Variants in CACNA1I observed in about 807,000 individuals in gnomAD.
CACNA1I encodes voltage-dependent T-type calcium channel subunit alpha-1I.
In CACNA1I, 74 loss-of-function variants were observed where a neutral mutation model predicts 201.6. The ratio of observed to expected loss-of-function variants is 0.37; its 90% CI spans 0.30 to 0.45. The LOEUF (loss-of-function observed/expected upper bound fraction) is 0.45, where lower values mean the gene tolerates loss of function less well. CACNA1I is among the 20% of genes least tolerant of loss of function. CACNA1I has a pLI of 1.00. For synonymous variants in CACNA1I, 1,431 were observed against 1,345.2 expected, an observed-to-expected ratio of 1.06 and a Z score of -1.40; for missense variants, 2,346 against 3,138.1, an observed-to-expected ratio of 0.75 and a Z score of 6.03.
At chr22:39,655,747 A>G (rs1934796505) in intron 10 of CACNA1I, among the ~76,000 whole-genome samples, 1 of 151,874 alleles carries the variant, frequency 6.6e-6, no homozygotes, top group South Asian at 2.1e-4. Flanking sequence ...TGCTGTGTCT[A>G]TATTCGTCTG....
rs1439825925 is a variant in CACNA1I, at chr22:39,590,498, C to T, written c.237-7653C>T. The stretch of plus-strand genomic sequence containing the variant: ...GGGCTCACCACTGACCCAGCCTCCG[C>T]TTCCCTCTGCCTGGCTGGGAGCCTC... On this transcript the variant is annotated intron_variant, in intron 1 of 36. Transcript: ENST00000402142. Among the ~76,000 whole-genome samples, 3 of 152,254 alleles carry T rather than the reference C, an allele frequency of 2.0e-5. No homozygotes were observed. The East Asian group carries it at 5.8e-4, about 29-fold the overall frequency.
intron 4 of CACNA1I, among the ~76,000 whole-genome samples, chr22:39,632,398 C>G (rs575678484): frequency 6.6e-6 from 1 of 152,324 alleles, no homozygotes; most frequent in African/African-American, 2.4e-5. Context: ...CTCCTCAGAG[C>G]CCCCTGCAAC....
intron 1 of CACNA1I, among the ~76,000 whole-genome samples, chr22:39,578,483 A>G (rs765025858): frequency 2.0e-5 from 3 of 151,920 alleles, no homozygotes; most frequent in Non-Finnish European, 4.4e-5. Context: ...GCCCCACGTG[A>G]CGACTGGTAC....
chr22:39,633,908 G>C (rs1477400050), intron 4 of CACNA1I, among the ~76,000 whole-genome samples: 2 of 152,238 alleles, frequency 1.3e-5, no homozygotes, highest in East Asian at 3.8e-4. Context: ...TGCAGTGGGA[G>C]TGGTAGTTCT....
intron 26 of CACNA1I, among the ~76,000 whole-genome samples, chr22:39,671,845 C>CT (rs1601521329): frequency 6.6e-6 from 1 of 152,150 alleles, no homozygotes; most frequent in African/African-American, 2.4e-5. Context: ...TGCATACCAG[C>CT]TTTCTAAGAT....
At chr22:39,628,969 C>T (rs1374913748) in intron 4 of CACNA1I, among the ~76,000 whole-genome samples, 1 of 152,132 alleles carries the variant, frequency 6.6e-6, no homozygotes, top group Middle Eastern at 3.2e-3. Context: ...CCCAAACCTC[C>T]AGGGGTGATG....
rs1242824645 is a variant in CACNA1I at position 39,688,883 on chromosome 22, AGGGAGCACTGG to A, written c.*2480_*2490del. ...GCTCAGAGGCAGAGAAGCTCCTTGC[AGGGAGCACTGG>A]GAGATGGCCTGGCCCGTCCCAGGCT... On this transcript the variant is annotated 3_prime_UTR_variant, in exon 37 of 37. Transcript: ENST00000402142. The surrounding 1 kb of genome is among the most constrained non-coding windows in gnomAD (Gnocchi z 4.8). 1.3e-5 allele frequency: 2 copies of A among 152,468 alleles called. No homozygotes were observed. The highest frequency in any genetic ancestry group is 3.9e-4 in the East Asian group (2 of 5,194). The allele number at this position is 152,468 out of a possible 1,614,324, so 9.4% of individuals were successfully genotyped here. A position where few individuals can be genotyped will look rare whatever the true frequency, so the allele number is the denominator to read the frequency against.
At chr22:39,663,651 T>C (rs1935093566) in intron 18 of CACNA1I, 67 bp from the exon 19 acceptor site, 1 of 1,596,812 alleles carries the variant, frequency 6.3e-7, no homozygotes, top group Non-Finnish European at 8.5e-7. Context: ...GCCTGGGCCC[T>C]CTGCCTTCCT....
At chr22:39,664,481 A>G (rs560163976) in intron 20 of CACNA1I, among the ~76,000 whole-genome samples, 1 of 152,178 alleles carries the variant, frequency 6.6e-6, no homozygotes, top group Admixed American at 6.5e-5. Context: ...GCAGTTTTCA[A>G]TTGGATTTGC....
At chr22:39,618,671 T>C (rs1395774281) in intron 3 of CACNA1I, among the ~76,000 whole-genome samples, 1 of 135,100 alleles carries the variant, frequency 7.4e-6, no homozygotes, top group Non-Finnish European at 1.5e-5. Context: ...CAGGTGGAGC[T>C]GGCAGCAGTG....
Position 39,597,948 on chromosome 22 carries a change from C to A in CACNA1I, c.237-203C>A, listed in dbSNP as rs1007515804. ...GCAGCTGGGGGCCTGGTGGGTTTGGCGCATATGGCCATGTCTGTTGTGATG... is the reference window on the plus strand; with the variant it reads ...GCAGCTGGGGGCCTGGTGGGTTTGGAGCATATGGCCATGTCTGTTGTGATG... On this transcript the variant is annotated intron_variant, in intron 1 of 36. Coordinates refer to ENST00000402142, the MANE Select transcript of CACNA1I (RefSeq NM_021096.4). Among the ~76,000 whole-genome samples the A allele has an allele frequency of 6.4e-4, 98 of 152,168 alleles. 1 individual carries two copies. The highest frequency in any genetic ancestry group is 1.3e-4 in the Non-Finnish European group (9 of 67,996).
intron 7 of CACNA1I, 62 bp downstream of exon 7, chr22:39,642,951 G>A: frequency 1.7e-6 from 2 of 1,178,962 alleles, no homozygotes; most frequent in Non-Finnish European, 1.2e-6. Flanking sequence ...GGGGACCTGA[G>A]GAGGGAGGGT....
In CACNA1I at chr22:39,648,387, C is replaced by T. The variant is rs1426493778; in HGVS notation, c.1567+461C>T. ...TTCACTCCAACGGGCTTCCTGCGGCCGCCCAGCCCCCTCTCCTGGCACTCT... is the reference window on the plus strand; with the variant it reads ...TTCACTCCAACGGGCTTCCTGCGGCTGCCCAGCCCCCTCTCCTGGCACTCT... On this transcript the variant is annotated intron_variant, in intron 9 of 36. Coordinates refer to ENST00000402142, the MANE Select transcript of CACNA1I (RefSeq NM_021096.4). The surrounding 1 kb of genome is among the most constrained non-coding windows in gnomAD (Gnocchi z 5.4). 6.6e-5 allele frequency among the ~76,000 whole-genome samples: 10 copies of T among 152,138 alleles called. No individual in the cohort carries two copies. Among genetic ancestry groups the T allele is most frequent in the South Asian group, 6.2e-4 (3 of 4,830 alleles).
At chr22:39,595,831 A>C (rs902407245) in intron 1 of CACNA1I, among the ~76,000 whole-genome samples, 19 of 151,954 alleles carry the variant, frequency 1.3e-4, no homozygotes, top group African/African-American at 4.4e-4. Context: ...TTGAACACCT[A>C]CTAGATGTTA....
chr22:39,609,268 C>T (rs944528998), intron 3 of CACNA1I, among the ~76,000 whole-genome samples: 1 of 152,184 alleles, frequency 6.6e-6, no homozygotes, highest in Non-Finnish European at 1.5e-5. Flanking sequence ...GGAGTTGAAC[C>T]CAGGGAGCTT....
chr22:39,674,385 G>C (rs1194806977), intron 29 of CACNA1I, among the ~76,000 whole-genome samples: 1 of 152,198 alleles, frequency 6.6e-6, no homozygotes, highest in Non-Finnish European at 1.5e-5. Flanking sequence ...AAGAGTGCCA[G>C]ACACTCCCTG....
intron 5 of CACNA1I, among the ~76,000 whole-genome samples, chr22:39,640,528 C>A (rs1323325562): frequency 6.6e-6 from 1 of 152,180 alleles, no homozygotes; most frequent in Non-Finnish European, 1.5e-5. Context: ...TACTGACCAC[C>A]TGCTCTGTCT....
intron 24 of CACNA1I, among the ~76,000 whole-genome samples, chr22:39,669,566 TG>T (rs1421848700): frequency 6.7e-6 from 1 of 148,950 alleles, no homozygotes; most frequent in Non-Finnish European, 1.5e-5. Context: ...GATGGATGGG[TG>T]GGTAGATAAA....
chr22:39,658,397 G>A (rs1934894032), intron 11 of CACNA1I, 94 bp downstream of exon 11: 12 of 1,158,402 alleles, frequency 1.0e-5, no homozygotes, highest in South Asian at 1.4e-5. Context: ...TAAGATGGCT[G>A]TGGAAACCCG....
Sources: allele counts gnomAD v4.1 joint callset (sites outside exome capture counted in the v4.1 genomes callset), GRCh38; gene constraint gnomAD v4.1.1; non-coding constraint Gnocchi (gnomAD v3.1); transcripts MANE v1.5; gene names NCBI Gene and HGNC (gene_info 2026-07-23, HGNC 2026-07-21).